GRM7: variants seen among roughly 807,000 people sequenced by gnomAD.
GRM7 encodes metabotropic glutamate receptor 7.
A neutral mutation model predicts 84.5 loss-of-function variants in GRM7; 35 were observed. That is an observed-to-expected ratio of 0.41 (90% CI 0.32 to 0.55). GRM7 has a LOEUF of 0.55. GRM7 is among the 20% of genes least tolerant of loss of function. GRM7 has a pLI of 0.19. For synonymous variants in GRM7, 487 were observed against 455.1 expected (o/e 1.07, Z -0.89); for missense variants, 1,003 against 1,194.6 (o/e 0.84, Z 2.36).
chr3:6,890,803 C>T (rs947680434), intron 1 of GRM7, among the ~76,000 whole-genome samples: 25 of 152,110 alleles, frequency 1.6e-4, no homozygotes, highest in South Asian at 6.2e-4. Flanking sequence ...ATTTCTGTCT[C>T]GTTGATCTGT....
At chr3:7,197,994 A>G (rs982144361) in intron 2 of GRM7, among the ~76,000 whole-genome samples, 2 of 152,244 alleles carry the variant, frequency 1.3e-5, no homozygotes, top group Middle Eastern at 6.8e-3. Context: ...AGATTTGAAG[A>G]TAGATTGGTA....
chr3:7,265,192 A>C (rs1191132706), intron 2 of GRM7, among the ~76,000 whole-genome samples: 1 of 152,146 alleles, frequency 6.6e-6, no homozygotes, highest in Non-Finnish European at 1.5e-5. Context: ...ACTTCCATCT[A>C]ATGTTCTAGC....
intron 2 of GRM7, among the ~76,000 whole-genome samples, chr3:7,253,452 T>G (rs930993927): frequency 2.0e-5 from 3 of 151,744 alleles, no homozygotes; most frequent in African/African-American, 4.8e-5. Flanking sequence ...CCGTCTCTAC[T>G]AAAAATACAA....
intron 2 of GRM7, among the ~76,000 whole-genome samples, chr3:7,293,429 A>T (rs1396743619): frequency 6.6e-6 from 1 of 151,838 alleles, no homozygotes; most frequent in African/African-American, 2.4e-5. Flanking sequence ...TGTATGTATC[A>T]CTCTCTCAAG....
At chr3:7,691,580 T>A (rs1700801818) in intron 9 of GRM7, among the ~76,000 whole-genome samples, 1 of 152,204 alleles carries the variant, frequency 6.6e-6, no homozygotes, top group South Asian at 2.1e-4. Context: ...AAAGCCCTGT[T>A]TTGAAGGGCT....
At chr3:7,277,917 G>T (rs1309514224) in intron 2 of GRM7, among the ~76,000 whole-genome samples, 1 of 152,020 alleles carries the variant, frequency 6.6e-6, no homozygotes, top group African/African-American at 2.4e-5. Flanking sequence ...GCCACTATGA[G>T]ACTAAGTAAT....
At chr3:6,900,517 A>G (rs1218043506) in intron 1 of GRM7, among the ~76,000 whole-genome samples, 1 of 152,208 alleles carries the variant, frequency 6.6e-6, no homozygotes, top group African/African-American at 2.4e-5. Flanking sequence ...TGCCCTGAAT[A>G]GGCAGGATAA....
At chr3:7,262,279 G>T (rs1698459505) in intron 2 of GRM7, among the ~76,000 whole-genome samples, 3 of 151,834 alleles carry the variant, frequency 2.0e-5, no homozygotes, top group Admixed American at 2.0e-4. Flanking sequence ...ATTTCTCAGA[G>T]GTTTTCTTTG....
chr3:7,697,956 G>C (rs1425636871), intron 9 of GRM7, among the ~76,000 whole-genome samples: 1 of 152,098 alleles, frequency 6.6e-6, no homozygotes, highest in Non-Finnish European at 1.5e-5. Flanking sequence ...GTCTTGTGAG[G>C]TTTACTAAAA....
intron 8 of GRM7, among the ~76,000 whole-genome samples, chr3:7,666,761 T>A (rs891013537): frequency 2.6e-5 from 4 of 151,906 alleles, no homozygotes; most frequent in African/African-American, 9.7e-5. Flanking sequence ...TATTATTACT[T>A]CTTATTACAT....
chr3:7,339,438 T>C (rs545137852), intron 4 of GRM7, among the ~76,000 whole-genome samples: 50 of 152,238 alleles, frequency 3.3e-4, no homozygotes, highest in Non-Finnish European at 2.2e-4. Context: ...CCTATGTTAA[T>C]TCAGCAGCTT....
chr3:7,416,311 C>G (rs986891651), intron 5 of GRM7, among the ~76,000 whole-genome samples: 4 of 152,134 alleles, frequency 2.6e-5, no homozygotes, highest in Non-Finnish European at 4.4e-5. Flanking sequence ...AACTAGACCT[C>G]TTTAAACATC....
intron 1 of GRM7, among the ~76,000 whole-genome samples, chr3:6,878,130 G>A (rs1695382169): frequency 6.6e-6 from 1 of 151,858 alleles, no homozygotes; most frequent in Admixed American, 6.6e-5. Context: ...TTACAAACAT[G>A]CCCCCCAAAA....
chr3:6,996,938 C>T (rs1694847131), intron 1 of GRM7, among the ~76,000 whole-genome samples: 1 of 152,174 alleles, frequency 6.6e-6, no homozygotes, highest in South Asian at 2.1e-4. Context: ...ATTCCCTGTC[C>T]TACCTACAAA....
At chr3:6,986,929 G>T (rs943207334) in intron 1 of GRM7, among the ~76,000 whole-genome samples, 4 of 152,136 alleles carry the variant, frequency 2.6e-5, no homozygotes, top group African/African-American at 9.7e-5. Flanking sequence ...GCATGTAAAT[G>T]CTAAAGGAAT....
intron 1 of GRM7, among the ~76,000 whole-genome samples, chr3:7,109,295 A>G (rs1692762579): frequency 6.6e-6 from 1 of 152,162 alleles, no homozygotes; most frequent in Admixed American, 6.5e-5. Context: ...AAATAAGTAT[A>G]AAAAGAGTCA....
At chr3:7,110,908 A>G (rs1222415731) in intron 1 of GRM7, among the ~76,000 whole-genome samples, 1 of 152,100 alleles carries the variant, frequency 6.6e-6, no homozygotes, top group African/African-American at 2.4e-5. Flanking sequence ...GAGTCCTGGA[A>G]AGATTGTTTC....
intron 2 of GRM7, among the ~76,000 whole-genome samples, chr3:7,155,670 G>A (rs1011679507): frequency 5.9e-5 from 9 of 152,096 alleles, no homozygotes; most frequent in African/African-American, 2.2e-4. Flanking sequence ...AAAGGGATCT[G>A]TTTTCCTTTA....
intron 4 of GRM7, among the ~76,000 whole-genome samples, chr3:7,372,252 A>T (rs907223221): frequency 6.6e-6 from 1 of 152,194 alleles, no homozygotes; most frequent in African/African-American, 2.4e-5. Flanking sequence ...TTTAGATGTT[A>T]GCAAAACAAT....
Sources: gnomAD v4.1 joint callset for allele counts (sites outside exome capture counted in the v4.1 genomes callset) on GRCh38, gnomAD v4.1.1 for gene constraint, MANE v1.5 for transcripts, NCBI Gene and HGNC (gene_info 2026-07-23, HGNC 2026-07-21) for gene names.